SOX6: variants seen among roughly 807,000 people sequenced by gnomAD.
SOX6 encodes transcription factor SOX-6.
A neutral mutation model predicts 97.8 loss-of-function variants in SOX6; 11 were observed. The ratio of observed to expected loss-of-function variants is 0.11; its 90% CI spans 0.07 to 0.19. The LOEUF (loss-of-function observed/expected upper bound fraction) is 0.19, where lower values mean the gene tolerates loss of function less well. Among genes scored for constraint, SOX6 ranks in the 10% least tolerant of loss-of-function variants. The pLI is 1.00. For missense variants in SOX6, 810 were observed against 1,039.5 expected, an observed-to-expected ratio of 0.78 and a Z score of 3.04; for synonymous variants, 360 against 371.4, an observed-to-expected ratio of 0.97 and a Z score of 0.35.
intron 6 of SOX6, among the ~76,000 whole-genome samples, chr11:16,177,151 G>A (rs944765877): frequency 2.3e-4 from 35 of 151,960 alleles, no homozygotes; most frequent in African/African-American, 6.0e-4. Flanking sequence ...CCCAAAAGGT[G>A]GAAAAACATA....
In SOX6 at chr11:16,015,068, C is replaced by T. The variant is rs996326035; in HGVS notation, c.1624-18G>A. ...GTTCTTTCCTAGAGGAACAAATAAT[C>T]AGAGGCTTATTCTAGTTTCCAAAAC... On this transcript the variant is annotated intron_variant, in intron 12 of 15. Transcript: ENST00000683767. 6.2e-7 allele frequency: 1 copy of T among 1,606,410 alleles called. No individual in the cohort carries two copies. Among genetic ancestry groups the T allele is most frequent in the African/African-American group, 1.3e-5 (1 of 74,720 alleles).
intron 6 of SOX6, among the ~76,000 whole-genome samples, chr11:16,153,341 C>T (rs997638175): frequency 9.9e-5 from 15 of 151,996 alleles, no homozygotes; most frequent in Non-Finnish European, 1.8e-4. Context: ...AAAGTCACAG[C>T]CTTGGGAAAG....
intron 4 of SOX6, among the ~76,000 whole-genome samples, chr11:16,188,740 C>A (rs1178467687): frequency 6.6e-6 from 1 of 152,044 alleles, no homozygotes; most frequent in Non-Finnish European, 1.5e-5. Context: ...CAGACACAGT[C>A]CCTATTCTTA....
intron 6 of SOX6, among the ~76,000 whole-genome samples, chr11:16,137,402 G>T (rs1040558906): frequency 1.3e-5 from 2 of 151,886 alleles, no homozygotes; most frequent in African/African-American, 2.4e-5. Flanking sequence ...CTCTAGCCTG[G>T]GCAACAGAGT....
rs34591978 is a variant in SOX6, at chr11:16,730,029, AAT to A, written n.353+6308_353+6309del. Among the ~76,000 whole-genome samples, 327 of 142,574 alleles carry A rather than the reference AAT, an allele frequency of 2.3e-3. 2 individuals carry two copies. The highest frequency in any genetic ancestry group is 7.7e-3 in the African/African-American group (295 of 38,550). 93.5% of individuals were successfully genotyped at this position (142,574 alleles called of 152,430 possible). Reference sequence around the variant, plus strand: ...GCAACAAGAAGAGCTAACTATCCTAAATATATATATATATATATATCCTAAAT... The same window carrying A: ...GCAACAAGAAGAGCTAACTATCCTAAATATATATATATATATATCCTAAAT... On this transcript the variant is annotated intron_variant and non_coding_transcript_variant, in intron 2 of 5. Coordinates refer to the SOX6 transcript ENST00000524520.
chr11:16,329,018 T>A (rs1590129767), intron 2 of SOX6, among the ~76,000 whole-genome samples: 1 of 152,170 alleles, frequency 6.6e-6, no homozygotes, highest in Non-Finnish European at 1.5e-5. Flanking sequence ...TTATTAAAAC[T>A]GATATTTGCT....
intron 3 of SOX6, among the ~76,000 whole-genome samples, chr11:16,281,413 T>C (rs1203790510): frequency 6.6e-6 from 1 of 152,068 alleles, no homozygotes; most frequent in East Asian, 1.9e-4. Flanking sequence ...ATGAGTATTT[T>C]TCCCACAAGA....
rs1934020739 is a variant in SOX6 at position 16,555,165 on chromosome 11, A to AT, written n.609+56915dup. 3.9e-5 allele frequency among the ~76,000 whole-genome samples: 6 copies of AT among 152,050 alleles called. No individual in the cohort carries two copies. The South Asian group carries it at 1.2e-3, about 31-fold the overall frequency. ...AAAAATAAATAAACAAACAAACAGAATCTGTGGCCTCAATGACACTTAAAA... is the reference window on the plus strand; with the variant it reads ...AAAAATAAATAAACAAACAAACAGAATTCTGTGGCCTCAATGACACTTAAAA... On this transcript the variant is annotated intron_variant and non_coding_transcript_variant, in intron 4 of 5. Transcript: ENST00000524520.
intron 4 of SOX6, 49 bp from the exon 5 acceptor site, chr11:16,187,004 C>T (rs773725526): frequency 6.2e-6 from 10 of 1,604,930 alleles, no homozygotes; most frequent in Admixed American, 3.3e-5. Context: ...AATACCTGGA[C>T]GAATAAGGGA....
intron 6 of SOX6, among the ~76,000 whole-genome samples, chr11:16,160,740 CT>C (rs1850727394): frequency 6.6e-6 from 1 of 152,112 alleles, no homozygotes; most frequent in East Asian, 1.9e-4. Context: ...AATTTTTCTT[CT>C]TTCCTGAAGC....
intron 1 of SOX6, among the ~76,000 whole-genome samples, chr11:16,369,510 G>T (rs1857447549): frequency 6.6e-6 from 1 of 152,054 alleles, no homozygotes; most frequent in East Asian, 1.9e-4. Context: ...TTAGTTTCTT[G>T]CCTGGAGATA....
intron 1 of SOX6, among the ~76,000 whole-genome samples, chr11:16,367,131 A>G (rs1857379112): frequency 6.6e-6 from 1 of 152,176 alleles, no homozygotes; most frequent in Non-Finnish European, 1.5e-5. Flanking sequence ...AAGTTCTAAG[A>G]TATAGTTTAG....
intron 3 of SOX6, among the ~76,000 whole-genome samples, chr11:16,253,556 A>G (rs565594535): frequency 6.6e-6 from 1 of 152,274 alleles, no homozygotes; most frequent in South Asian, 2.1e-4. Flanking sequence ...AATAAAGGCT[A>G]GAGATTAAAA....
intron 1 of SOX6, among the ~76,000 whole-genome samples, chr11:16,737,640 G>A (rs1848402833): frequency 1.3e-5 from 2 of 152,148 alleles, no homozygotes; most frequent in Admixed American, 1.3e-4. Context: ...AATAAAGTAG[G>A]AGATAGTCTT....
At chr11:16,447,812 A>T (rs553395149) in intron 1 of SOX6, among the ~76,000 whole-genome samples, 1 of 152,352 alleles carries the variant, frequency 6.6e-6, no homozygotes, top group South Asian at 2.1e-4. Context: ...GTCAATCAGC[A>T]TGACTACTGT....
At chr11:16,382,664 A>G (rs989914191) in intron 1 of SOX6, among the ~76,000 whole-genome samples, 39 of 152,106 alleles carry the variant, frequency 2.6e-4, no homozygotes, top group African/African-American at 9.4e-4. Flanking sequence ...CTAAAGGTAA[A>G]GAGATGCTAT....
At position 16,111,824 on chromosome 11, in the gene SOX6, G is replaced by T. The variant is rs76218238; in HGVS notation, c.877C>A (p.Pro293Thr). 2 of 1,613,092 alleles carry T rather than the reference G, an allele frequency of 1.2e-6. No homozygotes were observed. The highest frequency in any genetic ancestry group is 2.2e-5 in the East Asian group (1 of 44,876). ...AAAQQGFLFPPGITYKPGDNY... is the reference protein window; with the variant it reads ...AAAQQGFLFPTGITYKPGDNY... ...TTACCTGGTTTGTATGTTATTCCAG[G>T]GGGGAAGAGGAATCCCTGTTGGGCA... The change falls in exon 7 of 16, where the codon CCT (proline) becomes ACT (threonine). Residue 293 changes from proline (P) to threonine (T), a missense_variant. This residue lies in a region of SOX6 where 244 missense variants were observed against 261.0 expected (regional missense o/e 0.93). Transcript: ENST00000683767.
chr11:16,285,166 A>C (rs1590091830), intron 3 of SOX6, among the ~76,000 whole-genome samples: 1 of 152,318 alleles, frequency 6.6e-6, no homozygotes, highest in African/African-American at 2.4e-5. Flanking sequence ...TAAAATATCA[A>C]ATAACTAGAC....
At chr11:16,281,782 G>T (rs1158944679) in intron 3 of SOX6, among the ~76,000 whole-genome samples, 1 of 151,524 alleles carries the variant, frequency 6.6e-6, no homozygotes, top group Non-Finnish European at 1.5e-5. Flanking sequence ...ATTCAAAAAG[G>T]TTAAGTGATT....
Sources: gnomAD v4.1 joint callset for allele counts (sites outside exome capture counted in the v4.1 genomes callset) on GRCh38, gnomAD v4.1.1 for gene constraint, gnomAD v4.1.1 regional missense constraint, MANE v1.5 for transcripts, NCBI Gene and HGNC (gene_info 2026-07-23, HGNC 2026-07-21) for gene names.